The following TMEM131L variants were observed in gnomAD, a reference collection of about 807,000 sequenced individuals.
The protein encoded by TMEM131L is transmembrane 131 like.
A neutral mutation model predicts 192.2 loss-of-function variants in TMEM131L; 54 were observed. The ratio of observed to expected loss-of-function variants is 0.28; its 90% confidence interval spans 0.23 to 0.35. TMEM131L has a LOEUF of 0.35. TMEM131L is among the 10% of genes least tolerant of loss of function. TMEM131L has a pLI of 1.00. For missense variants in TMEM131L, 1,888 were observed against 1,972.9 expected (o/e 0.96, Z 0.82); for synonymous variants, 701 against 704.9 (o/e 0.99, Z 0.09).
At chr4:153,604,950 C>G (rs1732117126) in intron 25 of TMEM131L, among the ~76,000 whole-genome samples, 1 of 152,138 alleles carries the variant, frequency 6.6e-6, no homozygotes, top group African/African-American at 2.4e-5. Context: ...GTGATCCACC[C>G]CTTTGGCCTC....
intron 25 of TMEM131L, among the ~76,000 whole-genome samples, chr4:153,609,948 A>C (rs1162904114): frequency 6.6e-6 from 1 of 152,116 alleles, no homozygotes; most frequent in Non-Finnish European, 1.5e-5. Context: ...TTACTGTTTC[A>C]TAGTGCTTGA....
intron 3 of TMEM131L, among the ~76,000 whole-genome samples, chr4:153,483,494 C>T (rs974894855): frequency 4.0e-5 from 6 of 151,758 alleles, no homozygotes; most frequent in Non-Finnish European, 7.4e-5. Flanking sequence ...CTCAGGAGTT[C>T]GATAGCAGCG....
intron 3 of TMEM131L, among the ~76,000 whole-genome samples, chr4:153,545,754 G>A (rs544733209): frequency 2.4e-4 from 36 of 152,298 alleles, no homozygotes; most frequent in African/African-American, 7.9e-4. Context: ...AGGTCCTGCT[G>A]CTGAGAAAGC....
chr4:153,599,546 G>T (rs1731686012), intron 21 of TMEM131L, among the ~76,000 whole-genome samples: 1 of 152,150 alleles, frequency 6.6e-6, no homozygotes, highest in Non-Finnish European at 1.5e-5. Flanking sequence ...AGGGAAAAAA[G>T]ATTGTGTAAT....
chr4:153,612,529 G>T, intron 26 of TMEM131L, 129 bp downstream of exon 26: 1 of 658,728 alleles, frequency 1.5e-6, no homozygotes, highest in Non-Finnish European at 2.4e-6. Context: ...TTTGATGTGT[G>T]TGTGTTCAGA....
At chr4:153,467,113 T>A in intron 1 of TMEM131L, 98 bp from the exon 2 acceptor site, 1 of 1,173,232 alleles carries the variant, frequency 8.5e-7, no homozygotes, top group East Asian at 2.6e-5. Flanking sequence ...AGAGACGTGT[T>A]TTGGTGAGGC....
chr4:153,488,339 G>A (rs922954532), intron 3 of TMEM131L, among the ~76,000 whole-genome samples: 1 of 152,224 alleles, frequency 6.6e-6, no homozygotes, highest in Non-Finnish European at 1.5e-5. Context: ...GAAGCAGCAC[G>A]GGGCACTGCC....
At position 153,635,578 on chromosome 4, in the gene TMEM131L, G is replaced by A; in HGVS notation, c.4557+7G>A. The A allele has an allele frequency of 1.2e-6, 2 of 1,614,106 alleles. No individual in the cohort carries two copies. Among genetic ancestry groups the A allele is most frequent in the Non-Finnish European group, 1.7e-6 (2 of 1,179,984 alleles). The stretch of plus-strand genomic sequence containing the variant: ...CAGTTTCATCAGCTCTCCGGTCAGT[G>A]TTGCCCATCCTGTGCCGTGAACCCC... On this transcript the variant is annotated splice_region_variant and intron_variant, in intron 34 of 34. Transcript: ENST00000409959.
At chr4:153,632,079 C>G (rs528730826) in intron 31 of TMEM131L, among the ~76,000 whole-genome samples, 1 of 152,222 alleles carries the variant, frequency 6.6e-6, no homozygotes, top group South Asian at 2.1e-4. Flanking sequence ...TTTGGGAGGC[C>G]GAGGCAGTGG....
intron 21 of TMEM131L, among the ~76,000 whole-genome samples, chr4:153,598,936 C>G (rs988103148): frequency 6.6e-6 from 1 of 152,066 alleles, no homozygotes; most frequent in Non-Finnish European, 1.5e-5. Flanking sequence ...AGAGTGGTAT[C>G]TTTAGATATT....
chr4:153,488,626 C>T (rs1732537366), intron 3 of TMEM131L, among the ~76,000 whole-genome samples: 1 of 152,184 alleles, frequency 6.6e-6, no homozygotes, highest in Non-Finnish European at 1.5e-5. Context: ...GCTGAGGGGG[C>T]TGGATGGAGT....
intron 3 of TMEM131L, among the ~76,000 whole-genome samples, chr4:153,481,912 T>C (rs1026524025): frequency 6.6e-6 from 1 of 152,092 alleles, no homozygotes; most frequent in Admixed American, 6.6e-5. Flanking sequence ...AGTGACGCGA[T>C]CTCGGCTCAC....
chr4:153,632,676 A>C (rs2126909269), intron 31 of TMEM131L, 42 bp from the exon 32 acceptor site: 1 of 1,611,806 alleles, frequency 6.2e-7, no homozygotes, highest in Admixed American at 1.7e-5. Flanking sequence ...GATGAGGGCC[A>C]GGTGAGGATA....
intron 3 of TMEM131L, among the ~76,000 whole-genome samples, chr4:153,500,575 A>G (rs1455283945): frequency 6.6e-6 from 1 of 152,138 alleles, no homozygotes; most frequent in Admixed American, 6.6e-5. Flanking sequence ...TTCTACTTGG[A>G]TCGTGTTATT....
At chr4:153,529,064 C>T (rs1050623640) in intron 3 of TMEM131L, among the ~76,000 whole-genome samples, 5 of 151,918 alleles carry the variant, frequency 3.3e-5, no homozygotes, top group Non-Finnish European at 7.4e-5. Context: ...AGAGACTGCC[C>T]ATCAGTTGCC....
chr4:153,483,041 GA>G (rs575044980), intron 3 of TMEM131L, among the ~76,000 whole-genome samples: 14 of 149,322 alleles, frequency 9.4e-5, no homozygotes, highest in Admixed American at 3.3e-4. Flanking sequence ...TAAGAATTTT[GA>G]AAAAAAAATA....
intron 26 of TMEM131L, among the ~76,000 whole-genome samples, chr4:153,618,904 T>C (rs6535930): frequency 0.7 from 106,454 of 151,986 alleles, 38,863 homozygotes; most frequent in African/African-American, 0.92. Context: ...GGCCTGTTCT[T>C]TCTCAGCCAC....
At chr4:153,545,405 A>G (rs58829058) in intron 3 of TMEM131L, among the ~76,000 whole-genome samples, 1,736 of 150,930 alleles carry the variant, frequency 0.012, 29 homozygotes, top group African/African-American at 0.039. Context: ...CTCCTGCCTC[A>G]GCCTCCTGAG....
chr4:153,488,622 G>A (rs769786389), intron 3 of TMEM131L, among the ~76,000 whole-genome samples: 82 of 152,262 alleles, frequency 5.4e-4, no homozygotes, highest in Non-Finnish European at 1.0e-3. Context: ...GCCAGCTGAG[G>A]GGGCTGGATG....
Sources: gnomAD v4.1 joint callset for allele counts (sites outside exome capture counted in the v4.1 genomes callset) on GRCh38, gnomAD v4.1.1 for gene constraint, MANE v1.5 for transcripts, NCBI Gene and HGNC (gene_info 2026-07-23, HGNC 2026-07-21) for gene names.